ANO4: variants seen among roughly 807,000 people sequenced by gnomAD.
The protein encoded by ANO4 is anoctamin-4.
In ANO4, 69 loss-of-function variants were observed where a neutral mutation model predicts 141.9. That is an observed-to-expected ratio of 0.49 (90% CI 0.40 to 0.59). The LOEUF (loss-of-function observed/expected upper bound fraction) is 0.59, where lower values mean the gene tolerates loss of function less well. ANO4 is among the 20% of genes least tolerant of loss of function. The probability of loss-of-function intolerance (pLI) is 0.00; values close to 1 mark genes in which losing one functional copy is unlikely to be tolerated. For missense variants in ANO4, 894 were observed against 1,162.2 expected (o/e 0.77, Z 3.36); for synonymous variants, 350 against 394.3 (o/e 0.89, Z 1.33).
chr12:100,980,137 A>G (rs1212023077), intron 7 of ANO4, among the ~76,000 whole-genome samples: 3 of 152,060 alleles, frequency 2.0e-5, no homozygotes, highest in South Asian at 2.1e-4. Context: ...CATCACAACT[A>G]CAGAAGAATT....
intron 14 of ANO4, among the ~76,000 whole-genome samples, chr12:101,071,422 C>T (rs2048806380): frequency 6.7e-6 from 1 of 150,326 alleles, no homozygotes; most frequent in South Asian, 2.1e-4. Context: ...CGACATAAGC[C>T]AGGCACAGAA....
At chr12:101,024,705 A>G (rs529855212) in intron 9 of ANO4, among the ~76,000 whole-genome samples, 6 of 152,294 alleles carry the variant, frequency 3.9e-5, no homozygotes, top group African/African-American at 1.4e-4. Flanking sequence ...AGAATTCCCA[A>G]TAGAGACTCC....
intron 7 of ANO4, among the ~76,000 whole-genome samples, chr12:100,979,460 A>G (rs1396105255): frequency 6.6e-6 from 1 of 152,154 alleles, no homozygotes; most frequent in Non-Finnish European, 1.5e-5. Context: ...GTTGAGAACC[A>G]TCACTATAGA....
chr12:100,813,848 T>C lies in ANO4; in HGVS notation c.-141+18821T>C, dbSNP rs548632795. ...CCTATAAGCTTATGATGAAGTCAAC[T>C]TAAAACTTCACTGAGTTGGGGCAGA... On this transcript the variant is annotated intron_variant, in intron 1 of 27. Coordinates refer to ENST00000392977, the MANE Select transcript of ANO4 (RefSeq NM_001286615.2). Among the ~76,000 whole-genome samples, 3 of 152,328 alleles carry C rather than the reference T, an allele frequency of 2.0e-5. No homozygotes were observed. In the South Asian group the frequency reaches 6.2e-4, roughly 32 times the overall value.
intron 1 of ANO4, among the ~76,000 whole-genome samples, chr12:100,873,865 T>C (rs763723525): frequency 6.6e-6 from 1 of 152,204 alleles, no homozygotes; most frequent in Non-Finnish European, 1.5e-5. Context: ...CCTCCCATCA[T>C]AGGGTCAGAG....
intron 4 of ANO4, 90 bp downstream of exon 4, chr12:100,939,541 C>A: frequency 7.3e-7 from 1 of 1,374,654 alleles, no homozygotes; most frequent in Non-Finnish European, 9.8e-7. Flanking sequence ...AAGTCATAAT[C>A]TCATTGAACT....
intron 3 of ANO4, among the ~76,000 whole-genome samples, chr12:100,929,624 T>C (rs1211389791): frequency 6.6e-6 from 1 of 152,156 alleles, no homozygotes; most frequent in Admixed American, 6.6e-5. Context: ...TTGGGGTATA[T>C]ACCCCTAAGC....
chr12:100,985,964 T>A (rs1298167382), intron 7 of ANO4, among the ~76,000 whole-genome samples: 2 of 152,192 alleles, frequency 1.3e-5, no homozygotes, highest in East Asian at 1.9e-4. Flanking sequence ...GGGGTGCATC[T>A]GTGATAATGT....
chr12:100,790,448 G>A (rs1277217692), upstream of ANO4, among the ~76,000 whole-genome samples: 2 of 152,160 alleles, frequency 1.3e-5, no homozygotes, highest in Non-Finnish European at 2.9e-5. Context: ...ATTCTGTGTT[G>A]AGAAGAAGTT....
intron 1 of ANO4, among the ~76,000 whole-genome samples, chr12:100,807,643 A>G (rs1194241404): frequency 6.6e-6 from 1 of 152,086 alleles, no homozygotes; most frequent in Non-Finnish European, 1.5e-5. Context: ...GTGGTTTGTG[A>G]CACAGATCAA....
At chr12:101,111,807 A>G in intron 24 of ANO4, 97 bp downstream of exon 24, 1 of 1,130,596 alleles carries the variant, frequency 8.8e-7, no homozygotes, top group Non-Finnish European at 1.2e-6. Flanking sequence ...AATATGGAAT[A>G]CATGCCCAGA....
chr12:101,001,293 C>A (rs1210678875), intron 8 of ANO4, among the ~76,000 whole-genome samples: 1 of 152,138 alleles, frequency 6.6e-6, no homozygotes. Flanking sequence ...TGCATTAAGT[C>A]TTAGGAAACA....
At chr12:100,845,506 T>C (rs2037509250) in intron 1 of ANO4, among the ~76,000 whole-genome samples, 1 of 152,206 alleles carries the variant, frequency 6.6e-6, no homozygotes, top group Non-Finnish European at 1.5e-5. Flanking sequence ...AACTTGCCTG[T>C]CCTTGTACAT....
intron 3 of ANO4, among the ~76,000 whole-genome samples, chr12:100,758,942 C>T (rs946561211): frequency 3.9e-5 from 6 of 152,158 alleles, no homozygotes; most frequent in African/African-American, 1.4e-4. Flanking sequence ...ATACAAACAC[C>T]TGTCATTGGA....
intron 3 of ANO4, among the ~76,000 whole-genome samples, chr12:100,765,630 C>A (rs1258516541): frequency 6.6e-6 from 1 of 150,900 alleles, no homozygotes; most frequent in Non-Finnish European, 1.5e-5. Context: ...TCCGCCTTAG[C>A]CTCCCAGAAT....
chr12:101,061,878 C>T (rs923760381), intron 14 of ANO4, among the ~76,000 whole-genome samples: 1 of 152,052 alleles, frequency 6.6e-6, no homozygotes, highest in Non-Finnish European at 1.5e-5. Flanking sequence ...AAGCCTACTT[C>T]TGTCAATTCG....
At chr12:100,829,828 TG>T (rs1349717354) in intron 1 of ANO4, among the ~76,000 whole-genome samples, 1 of 152,082 alleles carries the variant, frequency 6.6e-6, no homozygotes, top group Non-Finnish European at 1.5e-5. Context: ...CTTTGTGAAG[TG>T]GGTGCCATAG....
chr12:101,118,450 T>C (rs2050944995), intron 25 of ANO4, among the ~76,000 whole-genome samples: 1 of 152,198 alleles, frequency 6.6e-6, no homozygotes, highest in Non-Finnish European at 1.5e-5. Context: ...AAGAAAACAT[T>C]TTAAAATTTC....
At chr12:100,801,742 G>A (rs1415840268) in intron 1 of ANO4, among the ~76,000 whole-genome samples, 1 of 151,576 alleles carries the variant, frequency 6.6e-6, no homozygotes, top group Non-Finnish European at 1.5e-5. Context: ...GATGGAGCAG[G>A]GGCTGGGGGG....
Sources: gnomAD v4.1 joint callset for allele counts (sites outside exome capture counted in the v4.1 genomes callset) on GRCh38, gnomAD v4.1.1 for gene constraint, MANE v1.5 for transcripts, NCBI Gene and HGNC (gene_info 2026-07-23, HGNC 2026-07-21) for gene names.